MGST1: variants seen among roughly 807,000 people sequenced by gnomAD.
MGST1 encodes microsomal glutathione S-transferase 1.
Under a neutral mutation model 8.9 loss-of-function variants are expected in MGST1, and 5 were observed. The observed-to-expected ratio is 0.56, with a 90% CI of 0.29 to 1.19. The LOEUF is 1.19. Among genes scored for constraint, MGST1 ranks in the 50% most tolerant of loss-of-function variants. MGST1 has a pLI of 0.08. For synonymous variants in MGST1, 54 were observed against 67.8 expected (o/e 0.80, Z 1.00); for missense variants, 182 against 187.4 (o/e 0.97, Z 0.17).
chr12:16,376,701 T>A (rs542635836), exon 4 of MGST1: 1 of 152,224 alleles, frequency 6.6e-6, no homozygotes, highest in Admixed American at 6.5e-5. Context: ...ATGTGAACAA[T>A]GATAGAATAT....
rs75705594 is a variant in MGST1 at position 16,476,337 on chromosome 12, T to TA, written n.482+92734dup. Among the ~76,000 whole-genome samples, 1,419 of 152,338 alleles carry TA rather than the reference T, an allele frequency of 9.3e-3. 78 individuals are homozygous for TA. In the East Asian group the frequency reaches 0.17, roughly 18 times the overall value. The stretch of plus-strand genomic sequence containing the variant: ...AACATTGTGCTCTGTTATTTAAACT[T>TA]ACATTACTACAAGTATATAATCATA... On this transcript the variant is annotated intron_variant and non_coding_transcript_variant, in intron 4 of 4. Transcript: ENST00000538857.
chr12:16,494,578 A>T (rs1430846460), intron 4 of MGST1, among the ~76,000 whole-genome samples: 1 of 152,092 alleles, frequency 6.6e-6, no homozygotes, highest in East Asian at 1.9e-4. Context: ...TTATAATTAA[A>T]GTTATATAAA....
rs957568240 is a variant in MGST1 at position 16,389,537 on chromosome 12, C to A, written n.778+5933C>A. On this transcript the variant is annotated intron_variant and non_coding_transcript_variant, in intron 1 of 1. Coordinates refer to the MGST1 transcript ENST00000359720. This position sits in a 1 kb window ranked among gnomAD's most constrained non-coding sequence, Gnocchi z 4.6. ...ATTTCAATTTAAAATATTGGGTTTT[C>A]CCTGCCCTTCTTAGGATAGCCAGTA... Among the ~76,000 whole-genome samples, 1 of 152,124 alleles carries A rather than the reference C, an allele frequency of 6.6e-6. No individual in the cohort carries two copies. The highest frequency in any genetic ancestry group is 2.4e-5 in the African/African-American group (1 of 41,406).
rs1016610881 is a variant in MGST1 at position 16,482,101 on chromosome 12, T to C, written n.482+98497T>C. Among the ~76,000 whole-genome samples the C allele has an allele frequency of 6.6e-6, 1 of 152,132 alleles. No individual in the cohort carries two copies. The highest frequency in any genetic ancestry group is 1.5e-5 in the Non-Finnish European group (1 of 68,008). Reference sequence around the variant, plus strand: ...TGAAAATATAATAGTCAACATAAAATTGTATTCTAGCTAAATTTTACTTAA... The same window carrying C: ...TGAAAATATAATAGTCAACATAAAACTGTATTCTAGCTAAATTTTACTTAA... On this transcript the variant is annotated intron_variant and non_coding_transcript_variant, in intron 4 of 4. Coordinates refer to the MGST1 transcript ENST00000538857. This position sits in a 1 kb window ranked among gnomAD's most constrained non-coding sequence, Gnocchi z 4.2.
rs1399765003 is a variant in MGST1 at position 16,513,860 on chromosome 12, CA to C, written n.483-75666del. 1 of 611,266 alleles carries C rather than the reference CA, an allele frequency of 1.6e-6. No homozygotes were observed. The highest frequency in any genetic ancestry group is 3.2e-6 in the Non-Finnish European group (1 of 316,232). 37.9% of individuals were successfully genotyped at this position (611,266 alleles called of 1,614,324 possible). On this transcript the variant is annotated intron_variant and non_coding_transcript_variant, in intron 4 of 4. Transcript: ENST00000538857. This position sits in a 1 kb window ranked among gnomAD's most constrained non-coding sequence, Gnocchi z 4.2. The stretch of plus-strand genomic sequence containing the variant: ...AGCCAAGATGTCTTTCTGCCCAAAC[CA>C]ACCTGGGGAAGTCGCACACCCATCT...
chr12:16,575,662 A>C (rs1565495492), intron 4 of MGST1, among the ~76,000 whole-genome samples: 1 of 152,146 alleles, frequency 6.6e-6, no homozygotes. Context: ...ATAGATAGAT[A>C]ATAGGAGAGC....
chr12:16,448,170 A>C (rs528749321), intron 4 of MGST1, among the ~76,000 whole-genome samples: 5 of 152,074 alleles, frequency 3.3e-5, no homozygotes, highest in Admixed American at 2.0e-4. Context: ...ACAATTAAGA[A>C]AAGACAGAAA....
At chr12:16,407,990 C>A (rs1940710392) in intron 1 of MGST1, among the ~76,000 whole-genome samples, 1 of 142,568 alleles carries the variant, frequency 7.0e-6, no homozygotes, top group Non-Finnish European at 1.5e-5. Context: ...CGAGATCACG[C>A]CACTGCATTC....
intron 2 of MGST1, chr12:16,354,790 A>G (rs1237388624): frequency 6.6e-6 from 1 of 152,570 alleles, no homozygotes; most frequent in African/African-American, 2.4e-5. Flanking sequence ...ATAGAAAAAA[A>G]AAGAAGAAAG....
At position 16,458,156 on chromosome 12, in the gene MGST1, G is replaced by A. The variant is rs540877671; in HGVS notation, n.482+74552G>A. ...GGGTTACTGCATATTAATACTTTGGGAATAAAGATGGGAATGTTGTGCAGC... is the reference window on the plus strand; with the variant it reads ...GGGTTACTGCATATTAATACTTTGGAAATAAAGATGGGAATGTTGTGCAGC... On this transcript the variant is annotated intron_variant and non_coding_transcript_variant, in intron 4 of 4. Coordinates refer to the MGST1 transcript ENST00000538857. This position sits in a 1 kb window ranked among gnomAD's most constrained non-coding sequence, Gnocchi z 4.0. Among the ~76,000 whole-genome samples, 1 of 152,004 alleles carries A rather than the reference G, an allele frequency of 6.6e-6. No homozygotes were observed. Among genetic ancestry groups the A allele is most frequent in the South Asian group, 2.1e-4 (1 of 4,814 alleles).
At chr12:16,466,083 G>A (rs745711417) in intron 4 of MGST1, among the ~76,000 whole-genome samples, 1 of 152,194 alleles carries the variant, frequency 6.6e-6, no homozygotes, top group African/African-American at 2.4e-5. Context: ...TATGTGTAAA[G>A]ACCTAAATGG....
chr12:16,375,932 C>T (rs1940372308), intron 3 of MGST1, among the ~76,000 whole-genome samples: 1 of 151,726 alleles, frequency 6.6e-6, no homozygotes, highest in African/African-American at 2.4e-5. Context: ...CGCTCCCATG[C>T]CAATAAATTT....
intron 4 of MGST1, among the ~76,000 whole-genome samples, chr12:16,474,024 G>C (rs1019294839): frequency 1.8e-4 from 27 of 152,276 alleles, no homozygotes; most frequent in Non-Finnish European, 1.0e-4. Flanking sequence ...TGTCTAACCA[G>C]GGTATTCTAT....
At chr12:16,416,223 G>T (rs1159867967) in intron 1 of MGST1, among the ~76,000 whole-genome samples, 1 of 152,128 alleles carries the variant, frequency 6.6e-6, no homozygotes, top group African/African-American at 2.4e-5. Flanking sequence ...TTAAGAACTT[G>T]CATGTTTCTG....
intron 4 of MGST1, among the ~76,000 whole-genome samples, chr12:16,476,588 A>G (rs1449468221): frequency 6.6e-6 from 1 of 152,176 alleles, no homozygotes. Flanking sequence ...TGGTTGCTAC[A>G]CCAGAGTCAT....
intron 4 of MGST1, among the ~76,000 whole-genome samples, chr12:16,567,138 G>A (rs1942646287): frequency 6.6e-6 from 1 of 152,148 alleles, no homozygotes; most frequent in Non-Finnish European, 1.5e-5. Flanking sequence ...GGAGGTTGCA[G>A]TGAGCTGAGA....
intron 4 of MGST1, among the ~76,000 whole-genome samples, chr12:16,527,859 G>C (rs968655074): frequency 6.6e-6 from 1 of 151,956 alleles, no homozygotes; most frequent in Non-Finnish European, 1.5e-5. Flanking sequence ...AGCAATCAGC[G>C]CATACGCCCC....
At chr12:16,479,821 C>A (rs1341730060) in intron 4 of MGST1, among the ~76,000 whole-genome samples, 1 of 152,168 alleles carries the variant, frequency 6.6e-6, no homozygotes, top group Non-Finnish European at 1.5e-5. Flanking sequence ...TAGGCCTGAG[C>A]CACTGCACCT....
chr12:16,371,676 CA>C (rs1387478268), intron 3 of MGST1, among the ~76,000 whole-genome samples: 2 of 151,544 alleles, frequency 1.3e-5, no homozygotes, highest in Non-Finnish European at 2.9e-5. Flanking sequence ...ATCTTTGTTA[CA>C]AAAAAAGGTA....
Sources: gnomAD v4.1 joint callset for allele counts (sites outside exome capture counted in the v4.1 genomes callset) on GRCh38, gnomAD v4.1.1 for gene constraint, Gnocchi (gnomAD v3.1) non-coding constraint, MANE v1.5 for transcripts, NCBI Gene and HGNC (gene_info 2026-07-23, HGNC 2026-07-21) for gene names.